The following LRRC40 variants were observed in gnomAD, a reference collection of about 807,000 sequenced individuals.
LRRC40 encodes the protein leucine-rich repeat-containing protein 40.
In LRRC40, 76 loss-of-function variants were observed where a neutral mutation model predicts 72.8. The observed-to-expected ratio is 1.04, with a 90% CI of 0.87 to 1.26. LRRC40 has a LOEUF of 1.26. LRRC40 is among the 50% of genes most tolerant of loss of function. LRRC40 has a pLI of 0.00. For synonymous variants in LRRC40, 243 were observed against 254.2 expected, an observed-to-expected ratio of 0.96 and a Z score of 0.42; for missense variants, 684 against 698.9, an observed-to-expected ratio of 0.98 and a Z score of 0.24.
At chr1:70,170,416 C>T (rs921314657) in intron 9 of LRRC40, among the ~76,000 whole-genome samples, 1 of 152,152 alleles carries the variant, frequency 6.6e-6, no homozygotes, top group African/African-American at 2.4e-5. Flanking sequence ...GAATAAAAGG[C>T]ATCCAGATTG....
rs745638483 is a variant in LRRC40 at position 70,178,940 on chromosome 1, A to G, written c.715T>C (p.Leu239=). The change falls in exon 6 of 15, where the codon TTG becomes CTG. Residue 239 remains leucine, a synonymous_variant. Coordinates refer to ENST00000370952, the MANE Select transcript of LRRC40 (RefSeq NM_017768.5). ...SNLLETIPPE[L]AGMESLELLY... Reference sequence around the variant, plus strand: ...AATTCTAGTGATTCCATGCCAGCCAATTCAGGAGGTATAGTTTCCAAGAGA... The same window carrying G: ...AATTCTAGTGATTCCATGCCAGCCAGTTCAGGAGGTATAGTTTCCAAGAGA... The G allele has an allele frequency of 1.2e-5, 19 of 1,601,674 alleles. No individual in the cohort carries two copies. In the South Asian group the frequency reaches 1.2e-4, roughly 10 times the overall value.
chr1:70,188,587 A>T (rs911964471), intron 2 of LRRC40, among the ~76,000 whole-genome samples: 1 of 152,018 alleles, frequency 6.6e-6, no homozygotes, highest in Non-Finnish European at 1.5e-5. Flanking sequence ...ACAAAAAAAA[A>T]TAGCCGGGTG....
At chr1:70,168,022 CCT>C (rs1667925036) in intron 9 of LRRC40, among the ~76,000 whole-genome samples, 1 of 152,104 alleles carries the variant, frequency 6.6e-6, no homozygotes. Context: ...TAGACTGCTC[CCT>C]CTCTCCCCTC....
chr1:70,188,048 A>G (rs1668407102), intron 2 of LRRC40, among the ~76,000 whole-genome samples: 1 of 152,222 alleles, frequency 6.6e-6, no homozygotes, highest in African/African-American at 2.4e-5. Context: ...TACAAAAATT[A>G]TATGAGAAAA....
intron 3 of LRRC40, among the ~76,000 whole-genome samples, chr1:70,187,035 A>T (rs909440637): frequency 6.6e-6 from 1 of 152,100 alleles, no homozygotes; most frequent in African/African-American, 2.4e-5. Context: ...ATTTAAAAAA[A>T]ATCAACTAGC....
intron 13 of LRRC40, among the ~76,000 whole-genome samples, chr1:70,149,183 A>T (rs1034125089): frequency 6.6e-6 from 1 of 152,234 alleles, no homozygotes; most frequent in Non-Finnish European, 1.5e-5. Flanking sequence ...GCCACAAGAT[A>T]TGGGAAGGCT....
intron 11 of LRRC40, among the ~76,000 whole-genome samples, chr1:70,155,157 A>G (rs1199726424): frequency 1.3e-5 from 2 of 152,190 alleles, no homozygotes; most frequent in African/African-American, 2.4e-5. Flanking sequence ...ATTTAACAGT[A>G]CAATGTATAA....
chr1:70,153,514 CT>C lies in LRRC40; in HGVS notation c.1329-972del, dbSNP rs528832358. Among the ~76,000 whole-genome samples the C allele has an allele frequency of 4.0e-4, 61 of 152,046 alleles. No homozygotes were observed. The East Asian group carries it at 9.1e-3, about 23-fold the overall frequency. On this transcript the variant is annotated intron_variant, in intron 11 of 14. Coordinates refer to ENST00000370952, the MANE Select transcript of LRRC40 (RefSeq NM_017768.5). Reference sequence around the variant, plus strand: ...GTGTAACTGATAAAACTTGATAAAACTTTTTTTGATATATCGAGTCAAACTC... The same window carrying C: ...GTGTAACTGATAAAACTTGATAAAACTTTTTTGATATATCGAGTCAAACTC...
At position 70,199,672 on chromosome 1, in the gene LRRC40, T is replaced by C. The variant is rs556080133; in HGVS notation, c.151+5718A>G. On this transcript the variant is annotated intron_variant, in intron 1 of 14. Transcript: ENST00000370952. Reference sequence around the variant, plus strand: ...ACATTTTCTTTTCTCTAGCTTACTATTGTAAGAACGTAGTATATAATACAT... The same window carrying C: ...ACATTTTCTTTTCTCTAGCTTACTACTGTAAGAACGTAGTATATAATACAT... Among the ~76,000 whole-genome samples, 16 of 152,318 alleles carry C rather than the reference T, an allele frequency of 1.1e-4. 1 individual carries two copies. In the South Asian group the frequency reaches 1.9e-3, roughly 18 times the overall value.
At chr1:70,177,196 A>C (rs1041697955) in intron 6 of LRRC40, among the ~76,000 whole-genome samples, 1 of 152,110 alleles carries the variant, frequency 6.6e-6, no homozygotes, top group African/African-American at 2.4e-5. Context: ...GAATCACTTG[A>C]ACTCGTGAGG....
chr1:70,154,780 G>A (rs1217771149), intron 11 of LRRC40, among the ~76,000 whole-genome samples: 2 of 151,158 alleles, frequency 1.3e-5, no homozygotes, highest in Admixed American at 6.6e-5. Flanking sequence ...AAGTATTTAC[G>A]TGCATAAAAG....
At chr1:70,147,686 C>G (rs1486723075) in intron 14 of LRRC40, among the ~76,000 whole-genome samples, 1 of 152,124 alleles carries the variant, frequency 6.6e-6, no homozygotes, top group East Asian at 1.9e-4. Context: ...TTTATAGTCT[C>G]CTATAACTTA....
chr1:70,190,779 T>C (rs112260807), intron 1 of LRRC40, among the ~76,000 whole-genome samples: 2,174 of 151,686 alleles, frequency 0.014, 61 homozygotes, highest in African/African-American at 0.049. Context: ...ACTCCTTATG[T>C]CTGATTATGT....
At chr1:70,197,286 A>T (rs1352311146) in intron 1 of LRRC40, among the ~76,000 whole-genome samples, 2 of 151,618 alleles carry the variant, frequency 1.3e-5, no homozygotes, top group African/African-American at 2.4e-5. Context: ...GTATTTTTTT[A>T]TTTTATTTTA....
chr1:70,168,743 CA>C (rs1266055411), intron 9 of LRRC40, among the ~76,000 whole-genome samples: 2 of 152,032 alleles, frequency 1.3e-5, no homozygotes, highest in Non-Finnish European at 1.5e-5. Context: ...CAGTATCAGG[CA>C]AAACAGACTC....
intron 1 of LRRC40, among the ~76,000 whole-genome samples, chr1:70,191,759 AT>A (rs909953331): frequency 2.0e-5 from 3 of 152,158 alleles, no homozygotes; most frequent in Non-Finnish European, 4.4e-5. Flanking sequence ...TAGTTTATCA[AT>A]ATCCAAAATA....
At chr1:70,200,724 G>A (rs1668719160) in intron 1 of LRRC40, among the ~76,000 whole-genome samples, 1 of 152,108 alleles carries the variant, frequency 6.6e-6, no homozygotes, top group African/African-American at 2.4e-5. Flanking sequence ...ATAAGTATCT[G>A]TGTAACTCCC....
intron 1 of LRRC40, among the ~76,000 whole-genome samples, chr1:70,200,046 G>A (rs529458140): frequency 2.0e-5 from 3 of 152,046 alleles, no homozygotes; most frequent in East Asian, 1.9e-4. Flanking sequence ...GCCCTTGTAC[G>A]GCTTCCACTA....
At chr1:70,181,543 T>C (rs1436849154) in intron 4 of LRRC40, among the ~76,000 whole-genome samples, 1 of 152,100 alleles carries the variant, frequency 6.6e-6, no homozygotes, top group Admixed American at 6.5e-5. Context: ...AAAATTCATG[T>C]ATTCATCCAA....
Sources: gnomAD v4.1 joint callset for allele counts (sites outside exome capture counted in the v4.1 genomes callset) on GRCh38, gnomAD v4.1.1 for gene constraint, MANE v1.5 for transcripts, NCBI Gene and HGNC (gene_info 2026-07-23, HGNC 2026-07-21) for gene names.